Variants in AUTS2 observed in about 807,000 individuals in gnomAD.
The protein encoded by AUTS2 is activator of transcription and developmental regulator AUTS2, also known as autism susceptibility gene 2 protein.
AUTS2 carries 17 observed loss-of-function variants against 112.4 expected under a neutral mutation model. That is an observed-to-expected ratio of 0.15 (90% CI 0.10 to 0.23). The LOEUF is 0.23. Among genes scored for constraint, AUTS2 ranks in the 10% least tolerant of loss-of-function variants. The pLI, the probability that AUTS2 is intolerant of heterozygous loss-of-function variation, is 1.00. For missense variants in AUTS2, 1,510 were observed against 1,701.6 expected (o/e 0.89, Z 1.98); for synonymous variants, 751 against 702.7 (o/e 1.07, Z -1.09).
chr7:69,749,973 A>G (rs1408955129), intron 1 of AUTS2, among the ~76,000 whole-genome samples: 1 of 152,212 alleles, frequency 6.6e-6, no homozygotes, highest in Non-Finnish European at 1.5e-5. Context: ...CTGAACAGAC[A>G]ACTTGAGAAG....
rs375886614 is a variant in AUTS2 at position 70,184,480 on chromosome 7, G to C, written c.660+49909G>C. ...CTCTTTCACTAGAATGCAAGAACATGACTACTTGGTTATGTTCTTGCTTGT... is the reference window on the plus strand; with the variant it reads ...CTCTTTCACTAGAATGCAAGAACATCACTACTTGGTTATGTTCTTGCTTGT... On this transcript the variant is annotated intron_variant, in intron 4 of 18. Coordinates refer to ENST00000342771, the MANE Select transcript of AUTS2 (RefSeq NM_015570.4). Among the ~76,000 whole-genome samples the C allele has an allele frequency of 1.8e-4, 28 of 152,228 alleles. No individual in the cohort carries two copies. In the South Asian group the frequency reaches 5.8e-3, roughly 32 times the overall value.
At chr7:69,980,842 A>T (rs892993871) in intron 2 of AUTS2, among the ~76,000 whole-genome samples, 3 of 152,230 alleles carry the variant, frequency 2.0e-5, no homozygotes, top group Non-Finnish European at 4.4e-5. Context: ...TACAATGTGC[A>T]GTGAGGGCTC....
chr7:69,600,565 C>T (rs1209229259), intron 1 of AUTS2, among the ~76,000 whole-genome samples: 1 of 102,138 alleles, frequency 9.8e-6, no homozygotes, highest in Non-Finnish European at 1.9e-5. Context: ...TTTGGTGAAG[C>T]TGGGGAAGGG....
chr7:70,110,485 C>T (rs963596512), intron 2 of AUTS2, among the ~76,000 whole-genome samples: 1 of 152,150 alleles, frequency 6.6e-6, no homozygotes, highest in African/African-American at 2.4e-5. Context: ...CATTGGACTC[C>T]AGCTTGGGCA....
intron 1 of AUTS2, among the ~76,000 whole-genome samples, chr7:69,697,470 A>G (rs190585793): frequency 6.6e-5 from 10 of 152,352 alleles, no homozygotes; most frequent in East Asian, 5.8e-4. Flanking sequence ...TCGTGATTCA[A>G]TATGAGAAGT....
chr7:69,749,085 A>G (rs1323958305), intron 1 of AUTS2, among the ~76,000 whole-genome samples: 1 of 152,112 alleles, frequency 6.6e-6, no homozygotes, highest in African/African-American at 2.4e-5. Flanking sequence ...ATACCTGAAG[A>G]GGTCATTGTC....
chr7:69,799,006 G>A (rs375386720), intron 1 of AUTS2, among the ~76,000 whole-genome samples: 1 of 151,588 alleles, frequency 6.6e-6, no homozygotes, highest in Non-Finnish European at 1.5e-5. Context: ...AAAAAAGTGT[G>A]TATATAAGTA....
chr7:70,254,778 A>C (rs773836439), intron 4 of AUTS2, among the ~76,000 whole-genome samples: 1 of 152,236 alleles, frequency 6.6e-6, no homozygotes, highest in African/African-American at 2.4e-5. Flanking sequence ...AGTCTAGAAC[A>C]GATGGTTCTT....
At chr7:70,682,362 A>G (rs929840882) in intron 5 of AUTS2, among the ~76,000 whole-genome samples, 10 of 152,234 alleles carry the variant, frequency 6.6e-5, no homozygotes, top group Non-Finnish European at 1.5e-4. Flanking sequence ...TCCAAAAGGA[A>G]AGGGGGGAGA....
chr7:69,696,299 C>A (rs968412044), intron 1 of AUTS2, among the ~76,000 whole-genome samples: 1 of 152,154 alleles, frequency 6.6e-6, no homozygotes, highest in African/African-American at 2.4e-5. Flanking sequence ...GCACTTCCTC[C>A]CCAAGTGAGT....
chr7:69,875,852 T>G (rs1562943287), intron 1 of AUTS2, among the ~76,000 whole-genome samples: 1 of 152,118 alleles, frequency 6.6e-6, no homozygotes, highest in African/African-American at 2.4e-5. Flanking sequence ...GAAAGAATGT[T>G]GTTATTATTC....
chr7:69,942,755 A>C (rs1286969206), intron 2 of AUTS2, among the ~76,000 whole-genome samples: 2 of 152,216 alleles, frequency 1.3e-5, no homozygotes, highest in Admixed American at 1.3e-4. Flanking sequence ...GATTTGCATG[A>C]ATTTCTGTAT....
chr7:70,214,993 A>G (rs929878733), intron 4 of AUTS2, among the ~76,000 whole-genome samples: 2 of 152,212 alleles, frequency 1.3e-5, no homozygotes, highest in African/African-American at 2.4e-5. Flanking sequence ...CTTTTAAAAG[A>G]TAGATACTAA....
intron 5 of AUTS2, among the ~76,000 whole-genome samples, chr7:70,532,986 G>A (rs1800157767): frequency 6.6e-6 from 1 of 152,124 alleles, no homozygotes; most frequent in Non-Finnish European, 1.5e-5. Context: ...TGTAGTTGTG[G>A]ATGGTTATGG....
At chr7:69,815,593 C>G (rs1418706939) in intron 1 of AUTS2, among the ~76,000 whole-genome samples, 3 of 152,138 alleles carry the variant, frequency 2.0e-5, no homozygotes. Flanking sequence ...CAGCTCACTG[C>G]AACCTCCGCC....
chr7:70,021,032 G>A (rs1046565780), intron 2 of AUTS2, among the ~76,000 whole-genome samples: 1 of 151,618 alleles, frequency 6.6e-6, no homozygotes, highest in Admixed American at 6.6e-5. Context: ...GCCCAGGCTG[G>A]AGTGCAATGG....
At chr7:70,095,693 A>G (rs1168173310) in intron 2 of AUTS2, among the ~76,000 whole-genome samples, 1 of 152,162 alleles carries the variant, frequency 6.6e-6, no homozygotes, top group Admixed American at 6.5e-5. Context: ...TACACTTAAA[A>G]TTTTTATATT....
At chr7:70,363,894 T>C (rs1253859101) in intron 4 of AUTS2, among the ~76,000 whole-genome samples, 1 of 152,240 alleles carries the variant, frequency 6.6e-6, no homozygotes, top group Non-Finnish European at 1.5e-5. Flanking sequence ...GTTAATTAGC[T>C]AGCTAGCTTT....
At chr7:70,737,315 G>C (rs10950211) in intron 6 of AUTS2, among the ~76,000 whole-genome samples, 6 of 152,040 alleles carry the variant, frequency 3.9e-5, no homozygotes, top group Non-Finnish European at 5.9e-5. Context: ...AAGCACCACC[G>C]TGTGCCAAAG....
Sources: allele counts gnomAD v4.1 joint callset (sites outside exome capture counted in the v4.1 genomes callset), GRCh38; gene constraint gnomAD v4.1.1; transcripts MANE v1.5; gene names NCBI Gene and HGNC (gene_info 2026-07-23, HGNC 2026-07-21).